COP1: variants seen among roughly 807,000 people sequenced by gnomAD.
COP1 encodes COP1 E3 ubiquitin ligase.
In COP1, 24 loss-of-function variants were observed where a neutral mutation model predicts 101.3. That is an observed-to-expected ratio of 0.24 (90% confidence interval 0.17 to 0.33). The LOEUF (loss-of-function observed/expected upper bound fraction) is 0.33, where lower values mean the gene tolerates loss of function less well. COP1 is among the 10% of genes least tolerant of loss of function. The pLI, the probability that COP1 is intolerant of heterozygous loss-of-function variation, is 1.00. For missense variants in COP1, 663 were observed against 906.2 expected, an observed-to-expected ratio of 0.73 and a Z score of 3.45; for synonymous variants, 347 against 341.9, an observed-to-expected ratio of 1.01 and a Z score of -0.17.
Position 176,154,330 on chromosome 1 carries a change from T to C in COP1, c.763-5256A>G, listed in dbSNP as rs567502783. On this transcript the variant is annotated intron_variant, in intron 5 of 19. Transcript: ENST00000367669. ...TACAAATCCTTGCATTATAAAGACA[T>C]ATGCACATGTATGTTCACTGCAGCA... Among the ~76,000 whole-genome samples the C allele has an allele frequency of 7.9e-5, 12 of 152,266 alleles. No individual in the cohort carries two copies. The South Asian group carries it at 2.5e-3, about 32-fold the overall frequency.
intron 9 of COP1, among the ~76,000 whole-genome samples, chr1:176,097,789 A>C (rs555149943): frequency 2.6e-5 from 4 of 151,410 alleles, no homozygotes; most frequent in African/African-American, 9.7e-5. Flanking sequence ...CAATCGCTTG[A>C]ACATGGGAAG....
chr1:176,060,649 A>G (rs1674677608), intron 11 of COP1, among the ~76,000 whole-genome samples: 1 of 152,220 alleles, frequency 6.6e-6, no homozygotes, highest in Admixed American at 6.5e-5. Context: ...ATATTAAATC[A>G]GTAATGTCAC....
chr1:176,086,521 T>C (rs964977685), intron 9 of COP1, among the ~76,000 whole-genome samples: 1 of 152,254 alleles, frequency 6.6e-6, no homozygotes, highest in Non-Finnish European at 1.5e-5. Context: ...CCACTGCGCC[T>C]GGCCTGATTT....
At chr1:176,169,885 A>G (rs1194808253) in intron 3 of COP1, among the ~76,000 whole-genome samples, 3 of 152,270 alleles carry the variant, frequency 2.0e-5, no homozygotes, top group Non-Finnish European at 4.4e-5. Flanking sequence ...TTTCAAAGTT[A>G]GTCAACCTCT....
At chr1:175,968,130 A>G (rs1032880543) in intron 18 of COP1, among the ~76,000 whole-genome samples, 2 of 152,196 alleles carry the variant, frequency 1.3e-5, no homozygotes, top group African/African-American at 4.8e-5. Flanking sequence ...TCAACCTCCC[A>G]AAGTGCTGGG....
intron 11 of COP1, among the ~76,000 whole-genome samples, chr1:176,057,491 C>T (rs1291240148): frequency 6.6e-6 from 1 of 152,198 alleles, no homozygotes; most frequent in Non-Finnish European, 1.5e-5. Context: ...CGCGCCGCCA[C>T]GCCTGATTGG....
At chr1:176,127,009 T>C (rs1688098091) in intron 8 of COP1, among the ~76,000 whole-genome samples, 1 of 152,210 alleles carries the variant, frequency 6.6e-6, no homozygotes, top group Non-Finnish European at 1.5e-5. Context: ...CCTAAGAATA[T>C]ATAACCATGA....
intron 15 of COP1, among the ~76,000 whole-genome samples, chr1:176,020,505 C>T (rs1283472069): frequency 1.3e-5 from 2 of 151,906 alleles, no homozygotes; most frequent in African/African-American, 2.4e-5. Context: ...ATGGTGAAAC[C>T]CCATCTCTGC....
At chr1:176,000,737 TTTG>T (rs932424065) in intron 15 of COP1, among the ~76,000 whole-genome samples, 1 of 152,094 alleles carries the variant, frequency 6.6e-6, no homozygotes, top group African/African-American at 2.4e-5. Flanking sequence ...TGCTTTTTTT[TTTG>T]TTATGTCATT....
chr1:175,972,138 A>G (rs539972937), intron 18 of COP1, among the ~76,000 whole-genome samples: 5 of 152,308 alleles, frequency 3.3e-5, no homozygotes, highest in Admixed American at 2.0e-4. Flanking sequence ...CAACAACAAC[A>G]AATACAAAAG....
At chr1:175,953,925 TAAAC>T (rs1004603437) in intron 18 of COP1, among the ~76,000 whole-genome samples, 22 of 152,120 alleles carry the variant, frequency 1.4e-4, no homozygotes, top group African/African-American at 4.8e-4. Context: ...ATAAAAGACT[TAAAC>T]AATAGCATAA....
chr1:176,151,518 A>G (rs996965737), intron 5 of COP1, among the ~76,000 whole-genome samples: 3 of 152,158 alleles, frequency 2.0e-5, no homozygotes, highest in African/African-American at 7.2e-5. Context: ...CTCAAGAGGG[A>G]GCGTATCTGC....
At chr1:176,123,998 A>G (rs1687577177) in intron 8 of COP1, among the ~76,000 whole-genome samples, 1 of 152,148 alleles carries the variant, frequency 6.6e-6, no homozygotes, top group Non-Finnish European at 1.5e-5. Flanking sequence ...TTCAAATACG[A>G]GTCTTGGTTG....
chr1:175,959,807 T>G (rs1444943602), intron 18 of COP1, among the ~76,000 whole-genome samples: 2 of 152,174 alleles, frequency 1.3e-5, no homozygotes, highest in Admixed American at 6.5e-5. Flanking sequence ...TTATCAGGTG[T>G]GAAATCTTTC....
At chr1:176,078,938 G>C (rs1280125779) in intron 11 of COP1, among the ~76,000 whole-genome samples, 1 of 152,122 alleles carries the variant, frequency 6.6e-6, no homozygotes, top group Non-Finnish European at 1.5e-5. Flanking sequence ...AAACCAGGAT[G>C]AGATACCATC....
chr1:176,009,887 G>T (rs1664319721), intron 15 of COP1, among the ~76,000 whole-genome samples: 2 of 137,540 alleles, frequency 1.5e-5, no homozygotes, highest in South Asian at 2.5e-4. Flanking sequence ...TGGGGGGGGG[G>T]GGTCCGCAAT....
intron 15 of COP1, among the ~76,000 whole-genome samples, chr1:176,002,595 G>T (rs1355711067): frequency 2.1e-5 from 3 of 142,768 alleles, no homozygotes; most frequent in Non-Finnish European, 4.5e-5. Flanking sequence ...CTATGAGTGA[G>T]AATATGCAGT....
rs147271542 is a variant in COP1, at chr1:176,075,063, C to G, written c.1277+6089G>C. On this transcript the variant is annotated intron_variant, in intron 11 of 19. Coordinates refer to ENST00000367669, the MANE Select transcript of COP1 (RefSeq NM_022457.7). ...AAGGGCCCTAAAATAAGATTGTGAG[C>G]TCTCCTGAATCCAAGTAACACGTCT... Among the ~76,000 whole-genome samples the G allele has an allele frequency of 4.7e-3, 713 of 152,234 alleles. 6 individuals are homozygous for G. Among genetic ancestry groups the G allele is most frequent in the Non-Finnish European group, 8.9e-3 (606 of 68,004 alleles).
At chr1:175,980,348 G>A (rs1655541601) in intron 18 of COP1, among the ~76,000 whole-genome samples, 1 of 122,430 alleles carries the variant, frequency 8.2e-6, no homozygotes, top group Non-Finnish European at 1.9e-5. Flanking sequence ...AAGAAACTTA[G>A]GTAAGCAAAA....
Sources: allele counts gnomAD v4.1 joint callset (sites outside exome capture counted in the v4.1 genomes callset), GRCh38; gene constraint gnomAD v4.1.1; transcripts MANE v1.5; gene names NCBI Gene and HGNC (gene_info 2026-07-23, HGNC 2026-07-21).